The following IL1RN variants were observed in gnomAD, a reference collection of about 807,000 sequenced individuals.
The protein encoded by IL1RN is interleukin 1 receptor antagonist.
A neutral mutation model predicts 13.7 loss-of-function variants in IL1RN; 10 were observed. The observed-to-expected ratio is 0.73, with a 90% CI of 0.45 to 1.24. The LOEUF (loss-of-function observed/expected upper bound fraction) is 1.24, where lower values mean the gene tolerates loss of function less well. Among genes scored for constraint, IL1RN ranks in the 50% most tolerant of loss-of-function variants. IL1RN has a pLI of 0.00. For missense variants in IL1RN, 213 were observed against 222.1 expected, an observed-to-expected ratio of 0.96 and a Z score of 0.26; for synonymous variants, 102 against 82.7, an observed-to-expected ratio of 1.23 and a Z score of -1.27.
At chr2:113,108,212 G>T (rs1190423126), upstream of IL1RN, among the ~76,000 whole-genome samples, 1 of 151,970 alleles carries the variant, frequency 6.6e-6, no homozygotes, top group East Asian at 1.9e-4. Context: ...GCTAACAGTG[G>T]CAGTCGAGTC....
At chr2:113,129,541 G>T in intron 1 of IL1RN, 35 bp from the exon 2 acceptor site, 1 of 1,318,388 alleles carries the variant, frequency 7.6e-7, no homozygotes, top group Non-Finnish European at 1.1e-6. Flanking sequence ...GCACATGGTG[G>T]CTGTGCACTA....
upstream of IL1RN, among the ~76,000 whole-genome samples, chr2:113,102,810 A>T (rs988246954): frequency 6.6e-6 from 1 of 152,212 alleles, no homozygotes; most frequent in Non-Finnish European, 1.5e-5. Context: ...TGGGGCAGGA[A>T]TAAATCACAA....
upstream of IL1RN, among the ~76,000 whole-genome samples, chr2:113,109,873 C>T (rs1686465066): frequency 6.6e-6 from 1 of 152,068 alleles, no homozygotes; most frequent in African/African-American, 2.4e-5. Flanking sequence ...ACCCATATGA[C>T]CAAGGTGCTG....
chr2:113,123,754 T>C (rs1190963463), upstream of IL1RN, among the ~76,000 whole-genome samples: 2 of 152,214 alleles, frequency 1.3e-5, no homozygotes, highest in African/African-American at 4.8e-5. Context: ...ATTTGAATCA[T>C]GGATTTGAAT....
chr2:113,103,554 A>C (rs1053669603), upstream of IL1RN, among the ~76,000 whole-genome samples: 2 of 152,214 alleles, frequency 1.3e-5, no homozygotes, highest in Non-Finnish European at 2.9e-5. Flanking sequence ...TCTCCCCCAG[A>C]GTCCAGAAAG....
upstream of IL1RN, among the ~76,000 whole-genome samples, chr2:113,126,398 G>A (rs539758686): frequency 2.6e-5 from 4 of 152,268 alleles, no homozygotes; most frequent in African/African-American, 7.2e-5. Context: ...ATCTTTCTGA[G>A]TCTTCTTGAA....
chr2:113,118,777 C>T (rs962840286), intron 1 of IL1RN, among the ~76,000 whole-genome samples: 1 of 152,192 alleles, frequency 6.6e-6, no homozygotes, highest in African/African-American at 2.4e-5. Context: ...TGGCTCACAC[C>T]TGTAATCCCA....
At chr2:113,100,087 C>T in the IL1RN span, among the ~76,000 whole-genome samples, 776 of 145,348 alleles carry the variant, frequency 5.3e-3, 1 homozygote, top group Admixed American at 0.013. Flanking sequence ...CTTTGGGAGG[C>T]CGAGGCGGGC....
upstream of IL1RN, chr2:113,117,639 C>A (rs1686624894): frequency 2.5e-6 from 1 of 402,964 alleles, no homozygotes; most frequent in Non-Finnish European, 4.6e-6. Flanking sequence ...TGCACACATG[C>A]ATGAGCTGGC....
upstream of IL1RN, among the ~76,000 whole-genome samples, chr2:113,106,470 G>A (rs17042894): frequency 0.035 from 5,320 of 152,272 alleles, 210 homozygotes; most frequent in African/African-American, 0.094. Flanking sequence ...ATGCTCTCAG[G>A]TTAAGCAACA....
upstream of IL1RN, among the ~76,000 whole-genome samples, chr2:113,104,700 A>C (rs183491403): frequency 6.6e-6 from 1 of 152,274 alleles, no homozygotes; most frequent in African/African-American, 2.4e-5. Context: ...GCCTGAGTAC[A>C]TGGCTAACAT....
chr2:113,109,469 C>CA (rs1686454485), upstream of IL1RN, among the ~76,000 whole-genome samples: 2 of 143,880 alleles, frequency 1.4e-5, no homozygotes, highest in African/African-American at 5.1e-5. Flanking sequence ...TTAAAGATTA[C>CA]AAAAAATGAA....
chr2:113,109,832 A>G (rs1454540560), upstream of IL1RN, among the ~76,000 whole-genome samples: 1 of 151,868 alleles, frequency 6.6e-6, no homozygotes, highest in Non-Finnish European at 1.5e-5. Flanking sequence ...ACATGCACTT[A>G]CCATATTTGC....
upstream of IL1RN, among the ~76,000 whole-genome samples, chr2:113,108,046 A>C (rs1686413653): frequency 6.6e-6 from 1 of 152,184 alleles, no homozygotes; most frequent in Non-Finnish European, 1.5e-5. Context: ...TCAGTTCTGT[A>C]GGTCAGAAAT....
rs918136275 is a variant in IL1RN, at chr2:113,131,908, A to T, written c.319-748A>T. Among the ~76,000 whole-genome samples, 8 of 152,242 alleles carry T rather than the reference A, an allele frequency of 5.3e-5. 1 individual carries two copies. Among genetic ancestry groups the T allele is most frequent in the Admixed American group, 2.0e-4 (3 of 15,296 alleles). On this transcript the variant is annotated intron_variant, in intron 3 of 3. Coordinates refer to ENST00000409930, the MANE Select transcript of IL1RN (RefSeq NM_173842.3). ...GGCACTGTCCCATCCCTCACCAGGG[A>T]CACTGTTCTGGAGGGTGACTGCCTG...
upstream of IL1RN, among the ~76,000 whole-genome samples, chr2:113,127,143 G>T (rs1686990216): frequency 6.6e-6 from 1 of 152,198 alleles, no homozygotes; most frequent in African/African-American, 2.4e-5. Flanking sequence ...CAGAATGTTT[G>T]CCAATCTATG....
chr2:113,102,586 G>A (rs1686330619), upstream of IL1RN, among the ~76,000 whole-genome samples: 1 of 152,218 alleles, frequency 6.6e-6, no homozygotes, highest in Non-Finnish European at 1.5e-5. Flanking sequence ...CAACAAGGCT[G>A]TTTATTTCAC....
upstream of IL1RN, among the ~76,000 whole-genome samples, chr2:113,103,494 G>T: frequency 6.6e-6 from 1 of 152,166 alleles, no homozygotes; most frequent in South Asian, 2.1e-4. Context: ...CCGCCATGAG[G>T]CAAGGAATGT....
At chr2:113,124,880 C>T (rs1388939575), upstream of IL1RN, among the ~76,000 whole-genome samples, 3 of 152,090 alleles carry the variant, frequency 2.0e-5, no homozygotes, top group East Asian at 5.8e-4. Flanking sequence ...CAGGACACAG[C>T]GGGGAAATGA....
Sources: allele counts gnomAD v4.1 joint callset (sites outside exome capture counted in the v4.1 genomes callset), GRCh38; gene constraint gnomAD v4.1.1; transcripts MANE v1.5; gene names NCBI Gene and HGNC (gene_info 2026-07-23, HGNC 2026-07-21).